SERHL2: variants seen among roughly 807,000 people sequenced by gnomAD.
The protein encoded by SERHL2 is serine hydrolase like 2.
Under a neutral mutation model 25.5 loss-of-function variants are expected in SERHL2, and 29 were observed. That is an observed-to-expected ratio of 1.14 (90% CI 0.85 to 1.55). The LOEUF (loss-of-function observed/expected upper bound fraction) is 1.55. SERHL2 is among the 40% of genes most tolerant of loss of function. The pLI is 0.00. For synonymous variants in SERHL2, 95 were observed against 103.5 expected (o/e 0.92, Z 0.50); for missense variants, 240 against 252.3 (o/e 0.95, Z 0.33).
chr22:42,571,252 G>C, intron 10 of SERHL2, 49 bp downstream of exon 10: 1 of 1,607,226 alleles, frequency 6.2e-7, no homozygotes, highest in Non-Finnish European at 8.5e-7. Flanking sequence ...AGACATGGGC[G>C]CCAGGAATCT....
intron 9 of SERHL2, chr22:42,569,839 TTG>T (rs58527778): frequency 0.043 from 6,257 of 146,348 alleles, 315 homozygotes; most frequent in African/African-American, 0.12. Flanking sequence ...TCATAGCAAT[TTG>T]TGTGTGTGTG....
In SERHL2 at chr22:42,573,849, G is replaced by C. The variant is rs912201265; in HGVS notation, c.826-87G>C. 3.7e-5 allele frequency: 48 copies of C among 1,306,080 alleles called. No homozygotes were observed. The South Asian group carries it at 5.2e-4, about 14-fold the overall frequency. The allele number at this position is 1,306,080 out of a possible 1,614,324, so 80.9% of individuals were successfully genotyped here. A position where few individuals can be genotyped will look rare whatever the true frequency, so the allele number is the denominator to read the frequency against. ...CTCCTGACCTGCAGGGAGCTGGAAT[G>C]CTGTGGGAGGGCCCTGACCCCGGGG... On this transcript the variant is annotated intron_variant, in intron 11 of 11. Coordinates refer to ENST00000327678, the MANE Select transcript of SERHL2 (RefSeq NM_014509.5).
Position 42,574,019 on chromosome 22 carries a change from C to T in SERHL2, c.909C>T (p.Phe303=), listed in dbSNP as rs772528271. 3.1e-6 allele frequency: 5 copies of T among 1,608,862 alleles called. No individual in the cohort carries two copies. The highest frequency in any genetic ancestry group is 4.2e-6 in the Non-Finnish European group (5 of 1,176,688). ...PQHVASIISS[F]LQCTHMLPAQ... The stretch of plus-strand genomic sequence containing the variant: ...ACGTGGCCAGTATCATCAGCTCCTT[C>T]TTACAGTGCACACACATGCTCCCAG... The change falls in exon 12 of 12, where the codon TTC becomes TTT. Residue 303 remains phenylalanine, a synonymous_variant. Transcript: ENST00000327678.
chr22:42,564,489 T>G (rs189352435), intron 8 of SERHL2, among the ~76,000 whole-genome samples: 2 of 151,698 alleles, frequency 1.3e-5, no homozygotes, highest in East Asian at 3.9e-4. Flanking sequence ...TGGAGTATAA[T>G]GGCACAATCT....
chr22:42,560,229 C>A lies in SERHL2; in HGVS notation c.577C>A (p.Leu193Ile). 1 of 1,613,034 alleles carries A rather than the reference C, an allele frequency of 6.2e-7. No individual in the cohort carries two copies. ...NSHLSEECGE[L>I]LLQRGTTKVA... Reference sequence around the variant, plus strand: ...CCACTTGAGTGAGGAGTGCGGGGAGCTTCTCCTGCAAAGAGGAACCACGAA... The same window carrying A: ...CCACTTGAGTGAGGAGTGCGGGGAGATTCTCCTGCAAAGAGGAACCACGAA... The change falls in exon 8 of 12, where the codon CTT becomes ATT. Residue 193 changes from leucine to isoleucine, a missense_variant. This residue lies in a region of SERHL2 where 212 missense variants were observed against 168.9 expected (regional missense o/e 1.25). Coordinates refer to ENST00000327678, the MANE Select transcript of SERHL2 (RefSeq NM_014509.5).
chr22:42,556,674 A>G lies in SERHL2; in HGVS notation c.423+86A>G, dbSNP rs540066603. ...CCCAGCCCTGTCTCCTTTGGTGGAC[A>G]CTAGGGAAGCACGAGGAGGCGGCAG... On this transcript the variant is annotated intron_variant, in intron 6 of 11. Transcript: ENST00000327678. The G allele has an allele frequency of 2.7e-5, 31 of 1,133,610 alleles. No homozygotes were observed. The South Asian group carries it at 3.9e-4, about 14-fold the overall frequency. 70.2% of individuals were successfully genotyped at this position (1,133,610 alleles called of 1,614,324 possible). A position where few individuals can be genotyped will look rare whatever the true frequency, so the allele number is the denominator to read the frequency against.
At chr22:42,556,796 AC>A in intron 6 of SERHL2, 2 of 443,534 alleles carry the variant, frequency 4.5e-6, no homozygotes, top group East Asian at 1.0e-4. Context: ...GGTGTGGGGG[AC>A]CCCTTGGAAA....
intron 11 of SERHL2, chr22:42,573,356 G>A (rs147714556): frequency 6.6e-6 from 1 of 150,904 alleles, no homozygotes; most frequent in Non-Finnish European, 1.5e-5. Context: ...CCATTCTCCT[G>A]CCTCAGCCTC....
chr22:42,566,205 C>T (rs1569279820), intron 8 of SERHL2, 99 bp from the exon 9 acceptor site: 38 of 1,227,012 alleles, frequency 3.1e-5, no homozygotes, highest in Non-Finnish European at 4.3e-5. Context: ...GAAATGGGCC[C>T]TGGCTGCAAA....
intron 8 of SERHL2, among the ~76,000 whole-genome samples, chr22:42,565,559 C>T (rs1473508752): frequency 4.6e-5 from 7 of 151,876 alleles, no homozygotes; most frequent in South Asian, 4.2e-4. Context: ...CTCCTGACCT[C>T]GTGATTCGCC....
At chr22:42,563,671 G>A (rs1922983458) in intron 8 of SERHL2, among the ~76,000 whole-genome samples, 1 of 151,926 alleles carries the variant, frequency 6.6e-6, no homozygotes, top group Non-Finnish European at 1.5e-5. Flanking sequence ...ATTTTGAATA[G>A]ATTGCCCACA....
intron 9 of SERHL2, among the ~76,000 whole-genome samples, chr22:42,566,917 CCT>C (rs1187171812): frequency 6.6e-6 from 1 of 152,172 alleles, no homozygotes; most frequent in Non-Finnish European, 1.5e-5. Context: ...AGGTGCTTAC[CCT>C]CTCTGAGCCT....
intron 8 of SERHL2, among the ~76,000 whole-genome samples, 168 bp downstream of exon 8, chr22:42,560,433 G>A (rs537732904): frequency 6.6e-6 from 1 of 152,056 alleles, no homozygotes; most frequent in South Asian, 2.1e-4. Context: ...AGAAACCAAG[G>A]CTCAGCATTG....
chr22:42,566,442 C>T (rs1923398740), intron 9 of SERHL2, 104 bp downstream of exon 9: 7 of 1,133,332 alleles, frequency 6.2e-6, no homozygotes, highest in South Asian at 5.0e-5. Context: ...CCTGTAATCC[C>T]AGCTACTCAG....
intron 8 of SERHL2, among the ~76,000 whole-genome samples, chr22:42,562,549 A>G (rs1182338183): frequency 2.0e-5 from 3 of 151,698 alleles, no homozygotes; most frequent in African/African-American, 7.3e-5. Context: ...TGGAGGACGC[A>G]GAGTGGGGAG....
chr22:42,559,774 C>T (rs1922442377), intron 7 of SERHL2, among the ~76,000 whole-genome samples: 1 of 151,760 alleles, frequency 6.6e-6, no homozygotes, highest in South Asian at 2.1e-4. Flanking sequence ...TTGTGGGTGA[C>T]CTCCCTTTTG....
In SERHL2 at chr22:42,574,203, C is replaced by T. The variant is rs990708928; in HGVS notation, c.*148C>T. The T allele has an allele frequency of 1.8e-5, 12 of 678,640 alleles. No homozygotes were observed. Among genetic ancestry groups the T allele is most frequent in the Admixed American group, 5.6e-5 (2 of 35,536 alleles). 42.0% of individuals were successfully genotyped at this position (678,640 alleles called of 1,614,324 possible). On this transcript the variant is annotated 3_prime_UTR_variant, in exon 12 of 12. Coordinates refer to ENST00000327678, the MANE Select transcript of SERHL2 (RefSeq NM_014509.5). ...CTAGGATGGTAGTCAGGGGAAGGAG[C>T]GAGATTCCAACTTCAACATCTGTGA...
chr22:42,565,843 GT>G (rs984386720), intron 8 of SERHL2, among the ~76,000 whole-genome samples: 4 of 151,700 alleles, frequency 2.6e-5, no homozygotes, highest in Admixed American at 2.0e-4. Flanking sequence ...TATATGTATG[GT>G]TTTTTAGTGG....
rs1366622862 is a variant in SERHL2 at position 42,562,565 on chromosome 22, C to A, written c.613+2300C>A. On this transcript the variant is annotated intron_variant, in intron 8 of 11. Coordinates refer to ENST00000327678, the MANE Select transcript of SERHL2 (RefSeq NM_014509.5). The stretch of plus-strand genomic sequence containing the variant: ...GGAGGACGCAGAGTGGGGAGGGCAG[C>A]GAGCATTGTTGGAGAGGCTGCAGCT... 2.6e-5 allele frequency among the ~76,000 whole-genome samples: 4 copies of A among 151,504 alleles called. No homozygotes were observed. In the South Asian group the frequency reaches 8.4e-4, roughly 32 times the overall value.
Sources: gnomAD v4.1 joint callset for allele counts (sites outside exome capture counted in the v4.1 genomes callset) on GRCh38, gnomAD v4.1.1 for gene constraint, gnomAD v4.1.1 regional missense constraint, MANE v1.5 for transcripts, NCBI Gene and HGNC (gene_info 2026-07-23, HGNC 2026-07-21) for gene names.